The following SV2C variants were observed in gnomAD, a reference collection of about 807,000 sequenced individuals.
The protein encoded by SV2C is solute carrier family 22 member B3.
Under a neutral mutation model 79.7 loss-of-function variants are expected in SV2C, and 49 were observed. The ratio of observed to expected loss-of-function variants is 0.61; its 90% confidence interval spans 0.49 to 0.78. The LOEUF (loss-of-function observed/expected upper bound fraction) is 0.78, where lower values mean the gene tolerates loss of function less well. SV2C is among the 30% of genes least tolerant of loss of function. The probability of loss-of-function intolerance (pLI) is 0.00; values close to 1 mark genes in which losing one functional copy is unlikely to be tolerated. For synonymous variants in SV2C, 334 were observed against 333.2 expected (o/e 1.00, Z -0.03); for missense variants, 833 against 912.9 (o/e 0.91, Z 1.13).
intron 2 of SV2C, among the ~76,000 whole-genome samples, chr5:76,140,442 G>A (rs1447627793): frequency 1.3e-5 from 2 of 152,258 alleles, no homozygotes; most frequent in African/African-American, 4.8e-5. Context: ...TAAATATTCT[G>A]TTGGGATTTC....
At chr5:76,122,065 C>T (rs1178338987) in intron 1 of SV2C, among the ~76,000 whole-genome samples, 1 of 151,850 alleles carries the variant, frequency 6.6e-6, no homozygotes, top group Non-Finnish European at 1.5e-5. Context: ...GTTTGTAGTT[C>T]CCCTTGAAGA....
intron 4 of SV2C, among the ~76,000 whole-genome samples, chr5:76,210,576 A>G (rs1744739358): frequency 6.6e-6 from 1 of 152,204 alleles, no homozygotes; most frequent in African/African-American, 2.4e-5. Flanking sequence ...CACATGTTCA[A>G]CAACCCAAAA....
chr5:76,139,159 T>C (rs1458995254), intron 2 of SV2C, among the ~76,000 whole-genome samples: 13 of 151,554 alleles, frequency 8.6e-5, no homozygotes, highest in Admixed American at 8.6e-4. Context: ...TGAAACTCAG[T>C]AGAGGAGGAA....
At chr5:76,107,406 T>C (rs925619248) in intron 1 of SV2C, among the ~76,000 whole-genome samples, 4 of 152,242 alleles carry the variant, frequency 2.6e-5, no homozygotes, top group African/African-American at 9.6e-5. Context: ...CATGAAATAC[T>C]GACTAGCTCG....
chr5:75,861,808 AC>A, the SV2C span, among the ~76,000 whole-genome samples: 295 of 152,306 alleles, frequency 1.9e-3, 3 homozygotes, highest in Admixed American at 0.016. Flanking sequence ...GACACTGAGG[AC>A]TACTAGAAGG....
chr5:75,912,306 C>T, the SV2C span, among the ~76,000 whole-genome samples: 19,375 of 151,900 alleles, frequency 0.13, 4,076 homozygotes, highest in African/African-American at 0.44. Context: ...TTTCAGATTG[C>T]TAAATAAAGT....
At chr5:75,917,065 A>G in the SV2C span, among the ~76,000 whole-genome samples, 4 of 152,102 alleles carry the variant, frequency 2.6e-5, no homozygotes, top group Non-Finnish European at 5.9e-5. Context: ...CACAGCCTTT[A>G]TTCACTGCCT....
In SV2C at chr5:76,260,696, G is replaced by A. The variant is rs1746435674; in HGVS notation, c.914-24466G>A. On this transcript the variant is annotated intron_variant, in intron 4 of 12. Coordinates refer to ENST00000502798, the MANE Select transcript of SV2C (RefSeq NM_014979.4). Reference sequence around the variant, plus strand: ...TTTTCCCAGTACCATTTATTAAATAGGGAATCCTTTCCCCATTGCTTGTTT... The same window carrying A: ...TTTTCCCAGTACCATTTATTAAATAAGGAATCCTTTCCCCATTGCTTGTTT... Among the ~76,000 whole-genome samples, 5 of 152,286 alleles carry A rather than the reference G, an allele frequency of 3.3e-5. No individual in the cohort carries two copies. In the South Asian group the frequency reaches 1.0e-3, roughly 32 times the overall value.
the SV2C span, among the ~76,000 whole-genome samples, chr5:75,891,547 A>AT: frequency 6.6e-6 from 1 of 152,228 alleles, no homozygotes; most frequent in Admixed American, 6.5e-5. Flanking sequence ...TTATCTTAAC[A>AT]TTTTTGAATA....
rs555849436 is a variant in SV2C at position 76,333,539 on chromosome 5, T to G, written c.*7992T>G. 7 of 152,422 alleles carry G rather than the reference T, an allele frequency of 4.6e-5. No individual in the cohort carries two copies. The highest frequency in any genetic ancestry group is 1.7e-4 in the African/African-American group (7 of 41,594). 9.4% of individuals were successfully genotyped at this position (152,422 alleles called of 1,614,324 possible). On this transcript the variant is annotated 3_prime_UTR_variant, in exon 13 of 13. Transcript: ENST00000502798. ...CTTTGTTTTCCTTTTTTATTCTTCC[T>G]GTTTTTAATGCTGTGTAAGATCTCC...
chr5:76,037,625 T>C, the SV2C span, among the ~76,000 whole-genome samples: 4 of 152,180 alleles, frequency 2.6e-5, no homozygotes, highest in African/African-American at 9.7e-5. Context: ...AGCTGCGTGC[T>C]GGGAGAACCA....
intron 2 of SV2C, among the ~76,000 whole-genome samples, chr5:76,154,116 C>G (rs1742652273): frequency 6.6e-6 from 1 of 152,190 alleles, no homozygotes; most frequent in South Asian, 2.1e-4. Flanking sequence ...CAAAAAGCAT[C>G]TAGTACTAGA....
chr5:76,121,140 G>A lies in SV2C; in HGVS notation c.-101-10510G>A, dbSNP rs570445255. 9.9e-5 allele frequency among the ~76,000 whole-genome samples: 15 copies of A among 151,490 alleles called. No individual in the cohort carries two copies. The South Asian group carries it at 3.1e-3, about 31-fold the overall frequency. ...CCAGTGATGATGAGCATTTTTTCAT[G>A]TCTTTTTTGGCTGCATAAATGTCTT... On this transcript the variant is annotated intron_variant, in intron 1 of 12. Coordinates refer to ENST00000502798, the MANE Select transcript of SV2C (RefSeq NM_014979.4).
At position 76,091,461 on chromosome 5, in the gene SV2C, C is replaced by T. The variant is rs187550948; in HGVS notation, c.-102+7949C>T. ...GTGTTGCCCAGCCTGCCTCTCACTG[C>T]CCAGAATGCCTTGGTTCCAGTGTTG... On this transcript the variant is annotated intron_variant, in intron 1 of 12. Coordinates refer to ENST00000502798, the MANE Select transcript of SV2C (RefSeq NM_014979.4). 2.4e-3 allele frequency among the ~76,000 whole-genome samples: 359 copies of T among 152,300 alleles called. 2 individuals are homozygous for T. Among genetic ancestry groups the T allele is most frequent in the Non-Finnish European group, 2.9e-3 (195 of 68,022 alleles).
intron 2 of SV2C, among the ~76,000 whole-genome samples, chr5:76,194,041 T>C (rs1744189709): frequency 6.6e-6 from 1 of 152,184 alleles, no homozygotes; most frequent in African/African-American, 2.4e-5. Context: ...TCATGCTTTC[T>C]GTAGTCAGAT....
At chr5:76,020,019 C>T in the SV2C span, among the ~76,000 whole-genome samples, 71 of 152,192 alleles carry the variant, frequency 4.7e-4, no homozygotes, top group East Asian at 7.7e-4. Flanking sequence ...TGACGTAAAA[C>T]GATCAGGAGC....
At position 76,187,813 on chromosome 5, in the gene SV2C, A is replaced by G. The variant is rs565155555; in HGVS notation, c.581-7106A>G. Among the ~76,000 whole-genome samples the G allele has an allele frequency of 6.6e-5, 10 of 151,292 alleles. No homozygotes were observed. In the South Asian group the frequency reaches 2.1e-3, roughly 31 times the overall value. ...TTACTCTTTCAGTGCTGTTTCAGGT[A>G]TCTTCTTTTCAGAACTTGAGTTAAG... On this transcript the variant is annotated intron_variant, in intron 2 of 12. Coordinates refer to ENST00000502798, the MANE Select transcript of SV2C (RefSeq NM_014979.4).
At chr5:76,068,430 C>T in the SV2C span, among the ~76,000 whole-genome samples, 3 of 152,002 alleles carry the variant, frequency 2.0e-5, no homozygotes, top group East Asian at 1.9e-4. Context: ...TATATAATGC[C>T]ATATCCAATT....
intron 4 of SV2C, among the ~76,000 whole-genome samples, chr5:76,255,680 A>C (rs1746240685): frequency 6.6e-6 from 1 of 152,172 alleles, no homozygotes; most frequent in African/African-American, 2.4e-5. Context: ...TGCCTGTGAA[A>C]GCCAAGCCCC....
Sources: allele counts gnomAD v4.1 joint callset (sites outside exome capture counted in the v4.1 genomes callset), GRCh38; gene constraint gnomAD v4.1.1; transcripts MANE v1.5; gene names NCBI Gene and HGNC (gene_info 2026-07-23, HGNC 2026-07-21).